Variants in GPD1L observed in about 807,000 individuals in gnomAD.
The protein encoded by GPD1L is glycerol-3-phosphate dehydrogenase 1 like, also known as glycerol-3-phosphate dehydrogenase 1-like protein.
In GPD1L, 17 loss-of-function variants were observed where a neutral mutation model predicts 32.9. That is an observed-to-expected ratio of 0.52 (90% CI 0.35 to 0.78). The LOEUF (loss-of-function observed/expected upper bound fraction) is 0.78. GPD1L is among the 30% of genes least tolerant of loss of function. GPD1L has a pLI of 0.01. For synonymous variants in GPD1L, 187 were observed against 165.9 expected (o/e 1.13, Z -0.98); for missense variants, 361 against 447.8 (o/e 0.81, Z 1.75).
At chr3:32,113,195 A>G (rs965357175) in intron 1 of GPD1L, among the ~76,000 whole-genome samples, 1 of 152,140 alleles carries the variant, frequency 6.6e-6, no homozygotes, top group Admixed American at 6.5e-5. Context: ...ATAGTTTACT[A>G]TTTTCAAGGC....
chr3:32,157,716 G>C (rs9870427), intron 5 of GPD1L, among the ~76,000 whole-genome samples: 1 of 151,968 alleles, frequency 6.6e-6, no homozygotes, highest in South Asian at 2.1e-4. Flanking sequence ...AAGAGGCCTT[G>C]TGGACCATAT....
intron 1 of GPD1L, among the ~76,000 whole-genome samples, chr3:32,114,232 C>T (rs938817089): frequency 6.6e-6 from 1 of 152,242 alleles, no homozygotes; most frequent in African/African-American, 2.4e-5. Flanking sequence ...ACAGGGGTGA[C>T]CAGCCCACAT....
chr3:32,116,818 T>C (rs1700338705), intron 1 of GPD1L, among the ~76,000 whole-genome samples: 1 of 152,214 alleles, frequency 6.6e-6, no homozygotes, highest in South Asian at 2.1e-4. Context: ...CTATCCCGGT[T>C]AACCCCTTAA....
chr3:32,151,991 C>T (rs1412408264), intron 5 of GPD1L: 2 of 152,436 alleles, frequency 1.3e-5, no homozygotes, highest in African/African-American at 4.8e-5. Flanking sequence ...AACAGAGACC[C>T]AAAATAATAC....
At chr3:32,117,743 A>G (rs1700353523) in intron 1 of GPD1L, among the ~76,000 whole-genome samples, 1 of 152,198 alleles carries the variant, frequency 6.6e-6, no homozygotes, top group Non-Finnish European at 1.5e-5. Flanking sequence ...GTTCTCTGCC[A>G]TCCTTGCTTA....
At chr3:32,157,850 G>C (rs1395378987) in intron 5 of GPD1L, among the ~76,000 whole-genome samples, 2 of 152,186 alleles carry the variant, frequency 1.3e-5, no homozygotes, top group Non-Finnish European at 2.9e-5. Flanking sequence ...AGCCCCCTTA[G>C]CAGATTTTCA....
At chr3:32,130,752 C>T (rs1700577039) in intron 2 of GPD1L, among the ~76,000 whole-genome samples, 1 of 152,068 alleles carries the variant, frequency 6.6e-6, no homozygotes, top group African/African-American at 2.4e-5. Context: ...GTGGCTCATG[C>T]CTGTAATCCC....
In GPD1L at chr3:32,167,279, C is replaced by A. The variant is rs1007546862; in HGVS notation, c.*1369C>A. 6.6e-6 allele frequency: 1 copy of A among 152,128 alleles called. No homozygotes were observed. Among genetic ancestry groups the A allele is most frequent in the African/African-American group, 2.4e-5 (1 of 41,402 alleles). 9.4% of individuals were successfully genotyped at this position (152,128 alleles called of 1,614,324 possible). A position where few individuals can be genotyped will look rare whatever the true frequency, so the allele number is the denominator to read the frequency against. On this transcript the variant is annotated 3_prime_UTR_variant, in exon 8 of 8. Coordinates refer to ENST00000282541, the MANE Select transcript of GPD1L (RefSeq NM_015141.4). The stretch of plus-strand genomic sequence containing the variant: ...ATGTATGTTTATACATCAGTGGAAC[C>A]CATTTTTCTAGCCTAGCAAGTCCCA...
chr3:32,148,755 G>A (rs1700869526), intron 5 of GPD1L, among the ~76,000 whole-genome samples: 1 of 152,148 alleles, frequency 6.6e-6, no homozygotes, highest in Admixed American at 6.5e-5. Flanking sequence ...TGAATGAAAC[G>A]AAGCCCTCTC....
At chr3:32,146,350 T>G (rs1293341248) in intron 4 of GPD1L, among the ~76,000 whole-genome samples, 2 of 152,150 alleles carry the variant, frequency 1.3e-5, no homozygotes, top group Admixed American at 1.3e-4. Flanking sequence ...CCTCCCAAAG[T>G]GCTGGGATTA....
chr3:32,161,114 A>G (rs938269840), intron 7 of GPD1L, among the ~76,000 whole-genome samples: 4 of 151,962 alleles, frequency 2.6e-5, no homozygotes, highest in African/African-American at 9.7e-5. Context: ...TGGTTCTGTC[A>G]GTTTAGGTGT....
At chr3:32,132,055 A>G (rs1398337062) in intron 2 of GPD1L, among the ~76,000 whole-genome samples, 1 of 152,094 alleles carries the variant, frequency 6.6e-6, no homozygotes, top group Non-Finnish European at 1.5e-5. Flanking sequence ...TAAAAAATGG[A>G]TTGTCTTTTT....
chr3:32,154,828 A>T (rs1700965311), intron 5 of GPD1L, among the ~76,000 whole-genome samples: 1 of 151,442 alleles, frequency 6.6e-6, no homozygotes, highest in South Asian at 2.1e-4. Context: ...GCTCACTGCA[A>T]CCTCCGCCTC....
rs1701145595 is a variant in GPD1L, at chr3:32,166,241, A to C, written c.*331A>C. On this transcript the variant is annotated 3_prime_UTR_variant, in exon 8 of 8. Transcript: ENST00000282541. The stretch of plus-strand genomic sequence containing the variant: ...TTATAAGATTGGAACGATCTCAGCC[A>C]AATATTTTAGGTGTAATTCATATGT... The C allele has an allele frequency of 2.8e-6, 1 of 357,826 alleles. No homozygotes were observed. 22.2% of individuals were successfully genotyped at this position (357,826 alleles called of 1,614,324 possible). A position where few individuals can be genotyped will look rare whatever the true frequency, so the allele number is the denominator to read the frequency against.
chr3:32,114,722 T>C (rs562966193), intron 1 of GPD1L, among the ~76,000 whole-genome samples: 1 of 151,984 alleles, frequency 6.6e-6, no homozygotes, highest in Non-Finnish European at 1.5e-5. Context: ...AGTGTTACAG[T>C]TCTTAAAGAT....
chr3:32,148,772 G>T (rs912292856), intron 5 of GPD1L, among the ~76,000 whole-genome samples: 3 of 152,174 alleles, frequency 2.0e-5, no homozygotes, highest in Non-Finnish European at 4.4e-5. Context: ...TCTCTCATCA[G>T]AGCCTGCCAG....
At chr3:32,111,885 C>T (rs146297422) in intron 1 of GPD1L, among the ~76,000 whole-genome samples, 156 of 151,958 alleles carry the variant, frequency 1.0e-3, no homozygotes, top group Non-Finnish European at 2.0e-3. Flanking sequence ...CCCTGGGCAC[C>T]CTTTTGTCTG....
intron 5 of GPD1L, 181 bp from the exon 6 acceptor site, chr3:32,158,695 T>C: frequency 7.3e-7 from 1 of 1,369,754 alleles, no homozygotes; most frequent in East Asian, 2.5e-5. Context: ...ATGGAAGCCC[T>C]GTCTCTCCTT....
At chr3:32,121,646 AAT>A (rs1416899970) in intron 1 of GPD1L, among the ~76,000 whole-genome samples, 3 of 93,032 alleles carry the variant, frequency 3.2e-5, no homozygotes, top group Non-Finnish European at 5.8e-5. Flanking sequence ...CTATATATAT[AAT>A]ATATATATTT....
Sources: gnomAD v4.1 joint callset for allele counts (sites outside exome capture counted in the v4.1 genomes callset) on GRCh38, gnomAD v4.1.1 for gene constraint, MANE v1.5 for transcripts, NCBI Gene and HGNC (gene_info 2026-07-23, HGNC 2026-07-21) for gene names.